The following KIFC3 variants were observed in gnomAD, a reference collection of about 807,000 sequenced individuals.
The protein encoded by KIFC3 is kinesin-like protein KIFC3.
A neutral mutation model predicts 101.8 loss-of-function variants in KIFC3; 60 were observed. The observed-to-expected ratio is 0.59, with a 90% confidence interval of 0.48 to 0.73. The LOEUF is 0.73. Among genes scored for constraint, KIFC3 ranks in the 30% least tolerant of loss-of-function variants. KIFC3 has a pLI of 0.00. For missense variants in KIFC3, 966 were observed against 1,137.1 expected, an observed-to-expected ratio of 0.85 and a Z score of 2.16; for synonymous variants, 476 against 482.7, an observed-to-expected ratio of 0.99 and a Z score of 0.18.
chr16:57,819,816 C>T (rs562554833), intron 1 of KIFC3, among the ~76,000 whole-genome samples: 1 of 151,914 alleles, frequency 6.6e-6, no homozygotes, highest in African/African-American at 2.4e-5. Context: ...GCCTCAGCCT[C>T]CCAAAGTGCT....
chr16:57,809,045 T>C (rs1333150199), intron 1 of KIFC3, among the ~76,000 whole-genome samples: 1 of 152,176 alleles, frequency 6.6e-6, no homozygotes, highest in Non-Finnish European at 1.5e-5. Context: ...TAGTCCCAGC[T>C]TCTTGGAAGG....
upstream of KIFC3, chr16:57,802,620 C>T (rs2054815554): frequency 2.8e-6 from 3 of 1,067,342 alleles, no homozygotes; most frequent in Non-Finnish European, 1.1e-6. This position sits in a 1 kb window ranked among gnomAD's most constrained non-coding sequence, Gnocchi z 5.0. Flanking sequence ...CGCGTCAGCC[C>T]GGGCGCGCCC....
At chr16:57,848,275 CAG>C (rs2055978814) in intron 1 of KIFC3, among the ~76,000 whole-genome samples, 1 of 152,110 alleles carries the variant, frequency 6.6e-6, no homozygotes, top group Non-Finnish European at 1.5e-5. Context: ...ATCAAGCAAA[CAG>C]AGAGTGGTTT....
chr16:57,860,935 C>T (rs751480449), intron 1 of KIFC3, among the ~76,000 whole-genome samples: 3 of 152,226 alleles, frequency 2.0e-5, no homozygotes, highest in Non-Finnish European at 2.9e-5. Flanking sequence ...TGGTCTTCAA[C>T]TCCTGAGCTG....
At chr16:57,826,735 C>G (rs2055464537) in intron 1 of KIFC3, among the ~76,000 whole-genome samples, 1 of 152,196 alleles carries the variant, frequency 6.6e-6, no homozygotes, top group South Asian at 2.1e-4. Context: ...TTGATTTGGT[C>G]ATCACAGAGG....
At chr16:57,820,590 T>C (rs1340556946) in intron 1 of KIFC3, among the ~76,000 whole-genome samples, 15 of 152,332 alleles carry the variant, frequency 9.8e-5, no homozygotes, top group Admixed American at 9.2e-4. Flanking sequence ...AGAGTGATCT[T>C]AGAGTTGATG....
At chr16:57,832,475 C>G (rs1279318791) in intron 1 of KIFC3, among the ~76,000 whole-genome samples, 1 of 151,772 alleles carries the variant, frequency 6.6e-6, no homozygotes, top group Admixed American at 6.6e-5. Context: ...CCATCATACC[C>G]GGCTAATTTT....
At chr16:57,771,021 G>C (rs1399177123) in intron 6 of KIFC3, among the ~76,000 whole-genome samples, 177 bp downstream of exon 6, 1 of 152,208 alleles carries the variant, frequency 6.6e-6, no homozygotes, top group South Asian at 2.1e-4. Flanking sequence ...ATACCTACTC[G>C]GTGCCTGGCC....
Position 57,774,523 on chromosome 16 carries a change from AT to A in KIFC3, c.316-2236del, listed in dbSNP as rs201606601. 7.5e-3 allele frequency among the ~76,000 whole-genome samples: 1,104 copies of A among 146,954 alleles called. 9 individuals carry two copies. Among genetic ancestry groups the A allele is most frequent in the South Asian group, 0.035 (163 of 4,620 alleles). On this transcript the variant is annotated intron_variant, in intron 3 of 19. Coordinates refer to ENST00000445690, the MANE Select transcript of KIFC3 (RefSeq NM_001130100.2). ...GACAAAATCTTTATGCTTTTCAGTAATTTTTTTTTTTCTTTTTGAGACAGGG... is the reference window on the plus strand; with the variant it reads ...GACAAAATCTTTATGCTTTTCAGTAATTTTTTTTTTCTTTTTGAGACAGGG...
At chr16:57,833,208 A>C (rs1204471531) in intron 1 of KIFC3, among the ~76,000 whole-genome samples, 8 of 91,310 alleles carry the variant, frequency 8.8e-5, no homozygotes, top group Admixed American at 1.8e-4. Flanking sequence ...TCTGTCTCAA[A>C]TATATATATA....
At chr16:57,803,521 G>A (rs2054855965), upstream of KIFC3, 2 of 395,720 alleles carry the variant, frequency 5.1e-6, no homozygotes, top group Admixed American at 5.6e-5. Flanking sequence ...AGAAGATCAA[G>A]GAGAGGACTG....
chr16:57,788,741 G>C (rs58082302), intron 3 of KIFC3: 1 of 1,288,642 alleles, frequency 7.8e-7, no homozygotes, highest in South Asian at 1.2e-5. Flanking sequence ...GAATCCTCAC[G>C]TGAAGGAGAC....
chr16:57,769,941 C>T lies in KIFC3; in HGVS notation c.954G>A (p.Glu318=), dbSNP rs1403744728. The part of the protein sequence containing the change: ...ARLRAQIAMY[E]SELERAHGQM... ...GCCCATGGGCCCGCTCCAGCTCTGA[C>T]TCGTACATGGCAATCTGGCCAGACC... is the stretch of plus-strand genomic sequence containing the variant. The change falls in exon 8 of 20, where the codon GAG becomes GAA. Residue 318 remains glutamate (E), a synonymous_variant. Coordinates refer to ENST00000445690, the MANE Select transcript of KIFC3 (RefSeq NM_001130100.2). The surrounding 1 kb of genome is among the most constrained non-coding windows in gnomAD (Gnocchi z 4.3). The T allele has an allele frequency of 6.2e-7, 1 of 1,612,714 alleles. No individual in the cohort carries two copies. Among genetic ancestry groups the T allele is most frequent in the African/African-American group, 1.3e-5 (1 of 74,940 alleles).
At chr16:57,849,835 G>A (rs1449654089) in intron 1 of KIFC3, among the ~76,000 whole-genome samples, 2 of 152,136 alleles carry the variant, frequency 1.3e-5, no homozygotes, top group African/African-American at 4.8e-5. Context: ...CCTGGAATGT[G>A]GAGGTTGCAG....
intron 1 of KIFC3, among the ~76,000 whole-genome samples, chr16:57,833,447 C>T (rs895785221): frequency 2.0e-5 from 3 of 152,126 alleles, no homozygotes; most frequent in Admixed American, 6.5e-5. Flanking sequence ...GAGATTCCCT[C>T]CCACAGGAAT....
intron 3 of KIFC3, chr16:57,785,448 C>G: frequency 7.8e-7 from 1 of 1,278,706 alleles, no homozygotes; most frequent in Non-Finnish European, 1.0e-6. Flanking sequence ...CTGCCCATCC[C>G]AGCCTCCCCA....
At chr16:57,799,113 AGAGCATTGGTCAGG>A (rs1448746110) in intron 1 of KIFC3, among the ~76,000 whole-genome samples, 1 of 152,192 alleles carries the variant, frequency 6.6e-6, no homozygotes, top group African/African-American at 2.4e-5. Flanking sequence ...AGGGGGGCAG[AGAGCATTGGTCAGG>A]GATAGAAAGC....
rs554455976 is a variant in KIFC3 at position 57,835,776 on chromosome 16, C to G, written c.108+26953G>C. On this transcript the variant is annotated intron_variant, in intron 1 of 2. Coordinates refer to the KIFC3 transcript ENST00000563028. ...ACCAGCCTGGCCAACATGGAGAAAC[C>G]CTGTCTCTACTAAAAACATAAAAAT... Among the ~76,000 whole-genome samples the G allele has an allele frequency of 5.1e-4, 78 of 152,218 alleles. 1 individual carries two copies. The highest frequency in any genetic ancestry group is 3.9e-4 in the Admixed American group (6 of 15,268).
At chr16:57,818,422 T>C (rs1330832054) in intron 1 of KIFC3, among the ~76,000 whole-genome samples, 2 of 152,212 alleles carry the variant, frequency 1.3e-5, no homozygotes, top group African/African-American at 4.8e-5. Flanking sequence ...TGGAGTACAG[T>C]GGCACAATCA....
Sources: allele counts gnomAD v4.1 joint callset (sites outside exome capture counted in the v4.1 genomes callset), GRCh38; gene constraint gnomAD v4.1.1; non-coding constraint Gnocchi (gnomAD v3.1); transcripts MANE v1.5; gene names NCBI Gene and HGNC (gene_info 2026-07-23, HGNC 2026-07-21).